The following ACER2 variants were observed in gnomAD, a reference collection of about 807,000 sequenced individuals.
ACER2 encodes the protein alkaline ceramidase 2.
ACER2 carries 26 observed loss-of-function variants against 34.7 expected under a neutral mutation model. That is an observed-to-expected ratio of 0.75 (90% CI 0.55 to 1.04). ACER2 has a LOEUF of 1.04. Among genes scored for constraint, ACER2 ranks in the 50% least tolerant of loss-of-function variants. The pLI, the probability that ACER2 is intolerant of heterozygous loss-of-function variation, is 0.00. For synonymous variants in ACER2, 138 were observed against 132.1 expected (o/e 1.04, Z -0.31); for missense variants, 352 against 340.8 (o/e 1.03, Z -0.26).
intron 4 of ACER2, among the ~76,000 whole-genome samples, chr9:19,439,158 A>G (rs1196790831): frequency 3.9e-5 from 6 of 152,220 alleles, no homozygotes; most frequent in African/African-American, 1.2e-4. Context: ...TGCCCTGGAA[A>G]AGCTAGCCAT....
At chr9:19,440,473 A>G (rs887078315) in intron 4 of ACER2, among the ~76,000 whole-genome samples, 1 of 152,168 alleles carries the variant, frequency 6.6e-6, no homozygotes, top group Non-Finnish European at 1.5e-5. Context: ...GTGCTTTTCT[A>G]AAAGAGGTCC....
In ACER2 at chr9:19,423,889, C is replaced by T. The variant is rs780031525; in HGVS notation, c.136C>T (p.Pro46Ser). 3.7e-6 allele frequency: 6 copies of T among 1,613,842 alleles called. No individual in the cohort carries two copies. In the Admixed American group the frequency reaches 8.3e-5, roughly 22 times the overall value. Residue 46 changes from proline (P) to serine (S), a missense_variant, in exon 2 of 6, where the codon CCG becomes TCG. Pro to Ser is a moderately conservative substitution (Grantham distance 74, BLOSUM62 -1). Coordinates refer to ENST00000340967, the MANE Select transcript of ACER2 (RefSeq NM_001010887.3). ...TISNVLFFIL[P>S]PICMCLFRQY... ...CAGCAATGTCTTATTTTTCATTTTA[C>T]CGCCCATCTGCATGTGCTTGTTTCG... is the stretch of plus-strand genomic sequence containing the variant.
chr9:19,421,175 G>T lies in ACER2; in HGVS notation c.109-2687G>T, dbSNP rs574857717. On this transcript the variant is annotated intron_variant, in intron 1 of 5. Transcript: ENST00000340967. ...AACCTGGAAAAGTATCAGGAAAAAT[G>T]TGGCATAAAAGCTCCATTATAATAT... Among the ~76,000 whole-genome samples, 12 of 152,322 alleles carry T rather than the reference G, an allele frequency of 7.9e-5. 1 individual carries two copies. In the South Asian group the frequency reaches 2.5e-3, roughly 32 times the overall value.
At chr9:19,415,329 GA>G (rs2132459215) in intron 1 of ACER2, among the ~76,000 whole-genome samples, 1 of 151,794 alleles carries the variant, frequency 6.6e-6, no homozygotes, top group African/African-American at 2.4e-5. Flanking sequence ...CGTCTCTACT[GA>G]AAATACAAAA....
chr9:19,417,799 C>T (rs1830280799), intron 1 of ACER2, among the ~76,000 whole-genome samples: 1 of 152,120 alleles, frequency 6.6e-6, no homozygotes, highest in South Asian at 2.1e-4. Flanking sequence ...TATGCATGGG[C>T]AAAGACTTCA....
At chr9:19,421,023 TAC>T (rs1830389012) in intron 1 of ACER2, among the ~76,000 whole-genome samples, 1 of 152,192 alleles carries the variant, frequency 6.6e-6, no homozygotes, top group Non-Finnish European at 1.5e-5. Flanking sequence ...TATAGCTTTG[TAC>T]ACACCCAGGC....
chr9:19,413,542 G>C (rs1218723069), intron 1 of ACER2, among the ~76,000 whole-genome samples: 2 of 151,440 alleles, frequency 1.3e-5, no homozygotes, highest in African/African-American at 4.9e-5. Flanking sequence ...GGAGGTTGCA[G>C]TGAGCCAAGA....
chr9:19,446,762 G>A, intron 5 of ACER2: 1 of 538,710 alleles, frequency 1.9e-6, no homozygotes, highest in Non-Finnish European at 2.4e-6. Context: ...GTAGGGGAAA[G>A]CTGGGGAAAG....
chr9:19,409,856 A>G (rs1193893396), intron 1 of ACER2: 1 of 985,266 alleles, frequency 1.0e-6, no homozygotes, highest in Non-Finnish European at 1.2e-6. Flanking sequence ...ATGAAAGGAA[A>G]GTTTGGGAGT....
At chr9:19,450,245 A>G (rs915444949) in intron 5 of ACER2, 2 of 985,254 alleles carry the variant, frequency 2.0e-6, no homozygotes, top group African/African-American at 3.5e-5. Context: ...ACATTCTAAA[A>G]CGGGTCCCAA....
intron 4 of ACER2, among the ~76,000 whole-genome samples, chr9:19,440,933 A>G (rs1216025517): frequency 1.3e-5 from 2 of 152,118 alleles, no homozygotes; most frequent in Non-Finnish European, 2.9e-5. Flanking sequence ...TCTCTTCATC[A>G]TATTTCAAGT....
At chr9:19,440,053 A>G (rs1051892895) in intron 4 of ACER2, among the ~76,000 whole-genome samples, 16 of 151,004 alleles carry the variant, frequency 1.1e-4, no homozygotes, top group African/African-American at 3.7e-4. Flanking sequence ...TTCTGCCCCT[A>G]CTTTGTTACC....
intron 1 of ACER2, among the ~76,000 whole-genome samples, chr9:19,412,040 T>C (rs966350421): frequency 2.0e-5 from 3 of 152,134 alleles, no homozygotes; most frequent in African/African-American, 7.2e-5. Context: ...ACCAAGAGAG[T>C]TATCTTGAAG....
intron 4 of ACER2, 69 bp from the exon 5 acceptor site, chr9:19,446,212 A>C: frequency 6.2e-7 from 1 of 1,611,840 alleles, no homozygotes. Flanking sequence ...AAGGAGACAC[A>C]GGAAAGGTGG....
In ACER2 at chr9:19,450,607, A is replaced by C; in HGVS notation, c.799A>C (p.Asn267His). Residue 267 changes from asparagine (N) to histidine (H), a missense_variant, in exon 6 of 6, where the codon AAC (asparagine) becomes CAC (histidine). Coordinates refer to ENST00000340967, the MANE Select transcript of ACER2 (RefSeq NM_001010887.3). ...GVPYVSLLCANKKSSVKIT is the reference protein window; with the variant it reads ...GVPYVSLLCAHKKSSVKIT ...CCCCTATGTGTCCCTCCTGTGTGCC[A>C]ACAAGAAATCATCAGTCAAGATCAC... is the stretch of plus-strand genomic sequence containing the variant. 9 of 1,580,788 alleles carry C rather than the reference A, an allele frequency of 5.7e-6. No individual in the cohort carries two copies. Among genetic ancestry groups the C allele is most frequent in the Non-Finnish European group, 7.8e-6 (9 of 1,153,418 alleles).
chr9:19,443,702 A>G (rs1396145792), intron 4 of ACER2, among the ~76,000 whole-genome samples: 2 of 152,028 alleles, frequency 1.3e-5, no homozygotes, highest in Non-Finnish European at 1.5e-5. Flanking sequence ...CTTGAAGCTC[A>G]GGCTGGAGCA....
chr9:19,438,382 C>T (rs1335752773), intron 4 of ACER2, among the ~76,000 whole-genome samples: 1 of 152,088 alleles, frequency 6.6e-6, no homozygotes, highest in African/African-American at 2.4e-5. Context: ...TTTTAGGGAT[C>T]TTACCTTTAT....
chr9:19,444,585 C>T (rs555067890), intron 4 of ACER2, among the ~76,000 whole-genome samples: 26 of 152,298 alleles, frequency 1.7e-4, no homozygotes, highest in African/African-American at 6.3e-4. Context: ...GGTCGGCATG[C>T]AGCCTGTGGG....
At chr9:19,420,821 C>T (rs184555490) in intron 1 of ACER2, among the ~76,000 whole-genome samples, 1 of 152,316 alleles carries the variant, frequency 6.6e-6, no homozygotes, top group Admixed American at 6.5e-5. Flanking sequence ...GTATATGCTA[C>T]ACCCTCACAT....
Sources: gnomAD v4.1 joint callset for allele counts (sites outside exome capture counted in the v4.1 genomes callset) on GRCh38, gnomAD v4.1.1 for gene constraint, MANE v1.5 for transcripts, NCBI Gene and HGNC (gene_info 2026-07-23, HGNC 2026-07-21) for gene names.